Variants in RAPGEF4 observed in about 807,000 individuals in gnomAD.
RAPGEF4 encodes the protein Rap guanine nucleotide exchange factor 4, also known as RAP guanine-nucleotide-exchange factor (GEF) 4.
RAPGEF4 carries 66 observed loss-of-function variants against 147.9 expected under a neutral mutation model. The ratio of observed to expected loss-of-function variants is 0.45; its 90% CI spans 0.37 to 0.55. The LOEUF (loss-of-function observed/expected upper bound fraction) is 0.55, where lower values mean the gene tolerates loss of function less well. Among genes scored for constraint, RAPGEF4 ranks in the 20% least tolerant of loss-of-function variants. The pLI, the probability that RAPGEF4 is intolerant of heterozygous loss-of-function variation, is 0.00. For synonymous variants in RAPGEF4, 419 were observed against 442.7 expected (o/e 0.95, Z 0.67); for missense variants, 1,071 against 1,257.3 (o/e 0.85, Z 2.24).
intron 12 of RAPGEF4, among the ~76,000 whole-genome samples, chr2:172,986,698 C>CCTTT (rs761936646): frequency 1.0e-5 from 1 of 100,340 alleles, no homozygotes. Flanking sequence ...TTCATATTTT[C>CCTTT]TTTTTTTTTT....
At chr2:172,993,272 G>T (rs891208537) in intron 15 of RAPGEF4, among the ~76,000 whole-genome samples, 2 of 152,092 alleles carry the variant, frequency 1.3e-5, no homozygotes, top group East Asian at 1.9e-4. Context: ...TTACTGTTTC[G>T]CATGTCTTTC....
chr2:172,866,258 C>T (rs937088391), intron 4 of RAPGEF4, among the ~76,000 whole-genome samples: 10 of 152,260 alleles, frequency 6.6e-5, no homozygotes, highest in Admixed American at 4.6e-4. Context: ...CCTCAATCCA[C>T]GGTGATTAAA....
At chr2:173,020,993 T>A (rs1696034272) in intron 23 of RAPGEF4, among the ~76,000 whole-genome samples, 1 of 152,234 alleles carries the variant, frequency 6.6e-6, no homozygotes, top group African/African-American at 2.4e-5. Flanking sequence ...ATGTCCCCAG[T>A]TTAAATATTA....
At chr2:172,851,365 C>T (rs1320335663) in intron 4 of RAPGEF4, among the ~76,000 whole-genome samples, 1 of 151,932 alleles carries the variant, frequency 6.6e-6, no homozygotes, top group Non-Finnish European at 1.5e-5. Context: ...ATTGTGTGGT[C>T]AATTTTAGAG....
Position 172,797,523 on chromosome 2 carries a change from A to G in RAPGEF4, c.209-2A>G. On this transcript the variant is annotated splice_acceptor_variant, in intron 2 of 30. Transcript: ENST00000397081. LOFTEE classifies it high-confidence loss of function. ...ATTTATATCACAATTTTTTTTTCCC[A>G]GTATTTCGCCAGGGTGATATTGGAA... The G allele has an allele frequency of 1.9e-6, 3 of 1,610,274 alleles. No individual in the cohort carries two copies. The highest frequency in any genetic ancestry group is 2.2e-5 in the East Asian group (1 of 44,830).
Position 172,859,175 on chromosome 2 carries a change from A to G in RAPGEF4, c.444+44750A>G, listed in dbSNP as rs544117107. Among the ~76,000 whole-genome samples the G allele has an allele frequency of 7.0e-4, 107 of 152,348 alleles. 1 individual carries two copies. The highest frequency in any genetic ancestry group is 3.4e-3 in the Middle Eastern group (1 of 294). On this transcript the variant is annotated intron_variant, in intron 4 of 30. Transcript: ENST00000397081. ...CTTAACAAAATACACAAAAATAGAG[A>G]TGAAACTTGGTATGCTTTGTTATCC...
chr2:173,033,014 C>A (rs1165894395), intron 26 of RAPGEF4, among the ~76,000 whole-genome samples: 1 of 152,166 alleles, frequency 6.6e-6, no homozygotes, highest in Non-Finnish European at 1.5e-5. Flanking sequence ...AAAGGTTCAG[C>A]TTTACTGAAG....
In RAPGEF4 at chr2:172,748,282, A is replaced by G. The variant is rs985476188; in HGVS notation, c.65+12234A>G. On this transcript the variant is annotated intron_variant, in intron 1 of 30. Coordinates refer to ENST00000397081, the MANE Select transcript of RAPGEF4 (RefSeq NM_007023.4). Reference sequence around the variant, plus strand: ...AATAACATACTAATTTACATTCTGTATTAGTCTGTTTTCATGCTGCTGAGA... The same window carrying G: ...AATAACATACTAATTTACATTCTGTGTTAGTCTGTTTTCATGCTGCTGAGA... Among the ~76,000 whole-genome samples, 7 of 152,158 alleles carry G rather than the reference A, an allele frequency of 4.6e-5. 1 individual carries two copies. The highest frequency in any genetic ancestry group is 1.7e-4 in the African/African-American group (7 of 41,444).
chr2:172,980,838 G>A (rs551292862), intron 10 of RAPGEF4, among the ~76,000 whole-genome samples: 1 of 152,174 alleles, frequency 6.6e-6, no homozygotes, highest in Admixed American at 6.5e-5. Flanking sequence ...GTGTGCAGAA[G>A]CGGGGTCTCA....
intron 6 of RAPGEF4, among the ~76,000 whole-genome samples, chr2:172,948,268 A>C (rs961140329): frequency 6.6e-6 from 1 of 152,134 alleles, no homozygotes; most frequent in African/African-American, 2.4e-5. Flanking sequence ...GTGGCAGTAG[A>C]TTTCTGAGGT....
chr2:172,877,978 A>T (rs1461595944), intron 4 of RAPGEF4, among the ~76,000 whole-genome samples: 1 of 152,216 alleles, frequency 6.6e-6, no homozygotes, highest in African/African-American at 2.4e-5. Flanking sequence ...ATAAACTCTA[A>T]GAAACTTTGT....
At chr2:172,972,625 C>A (rs1690616039) in intron 10 of RAPGEF4, among the ~76,000 whole-genome samples, 2 of 152,148 alleles carry the variant, frequency 1.3e-5, no homozygotes, top group African/African-American at 4.8e-5. Flanking sequence ...TAGGTCATTT[C>A]TCTGCCTCTC....
At chr2:172,887,193 CAAAAAAAAAAAAAAGAA>C (rs1347747997) in intron 4 of RAPGEF4, among the ~76,000 whole-genome samples, 1 of 53,254 alleles carries the variant, frequency 1.9e-5, no homozygotes, top group African/African-American at 7.4e-5. Flanking sequence ...GACTCCGTCT[CAAAAAAAAAAAAAAGAA>C]AAAAAGAAAA....
At chr2:172,794,922 GGGATATTT>G (rs1416209354) in intron 1 of RAPGEF4, 95 bp from the exon 2 acceptor site, 24 of 1,117,028 alleles carry the variant, frequency 2.1e-5, no homozygotes, top group Non-Finnish European at 2.6e-5. Flanking sequence ...ATTCACAAGT[GGGATATTT>G]GGGTAAATTT....
At chr2:172,847,748 G>T (rs950709808) in intron 4 of RAPGEF4, among the ~76,000 whole-genome samples, 1 of 152,216 alleles carries the variant, frequency 6.6e-6, no homozygotes, top group Non-Finnish European at 1.5e-5. Context: ...TAGTTCCAGG[G>T]ATTACGTGAA....
intron 2 of RAPGEF4, 116 bp downstream of exon 2, chr2:172,795,283 C>A: frequency 9.4e-7 from 1 of 1,068,528 alleles, no homozygotes; most frequent in Non-Finnish European, 1.4e-6. Context: ...TGAGCTTCAA[C>A]CAAAAGTATT....
At chr2:172,914,160 T>C (rs780364869) in intron 4 of RAPGEF4, among the ~76,000 whole-genome samples, 1 of 152,110 alleles carries the variant, frequency 6.6e-6, no homozygotes, top group African/African-American at 2.4e-5. Context: ...AATAACCCAG[T>C]GTCCTCTACT....
intron 4 of RAPGEF4, among the ~76,000 whole-genome samples, chr2:172,817,421 A>G (rs117470445): frequency 5.3e-5 from 8 of 152,188 alleles, no homozygotes; most frequent in Non-Finnish European, 7.3e-5. Flanking sequence ...GTTTAGTAAA[A>G]TTAATCCATC....
chr2:172,881,897 G>A (rs1010046326), intron 4 of RAPGEF4, among the ~76,000 whole-genome samples: 1 of 152,176 alleles, frequency 6.6e-6, no homozygotes, highest in Non-Finnish European at 1.5e-5. Context: ...TACTCTCTGA[G>A]GGATGATGGA....
Sources: allele counts gnomAD v4.1 joint callset (sites outside exome capture counted in the v4.1 genomes callset), GRCh38; gene constraint gnomAD v4.1.1; transcripts MANE v1.5; gene names NCBI Gene and HGNC (gene_info 2026-07-23, HGNC 2026-07-21).